ASPHD1: variants seen among roughly 807,000 people sequenced by gnomAD.
ASPHD1 encodes the protein aspartate beta-hydroxylase domain-containing protein 1.
Under a neutral mutation model 28.3 loss-of-function variants are expected in ASPHD1, and 20 were observed. The ratio of observed to expected loss-of-function variants is 0.71; its 90% CI spans 0.50 to 1.03. The LOEUF (loss-of-function observed/expected upper bound fraction) is 1.03. Among genes scored for constraint, ASPHD1 ranks in the 50% least tolerant of loss-of-function variants. ASPHD1 has a pLI of 0.00. For missense variants in ASPHD1, 479 were observed against 524.1 expected, an observed-to-expected ratio of 0.91 and a Z score of 0.84; for synonymous variants, 240 against 221.2, an observed-to-expected ratio of 1.08 and a Z score of -0.75.
intron 3 of ASPHD1, among the ~76,000 whole-genome samples, chr16:29,915,740 G>A (rs2095557273): frequency 1.3e-5 from 2 of 152,050 alleles, no homozygotes; most frequent in African/African-American, 2.4e-5. Context: ...TATTTCATTC[G>A]ACTGGAAGTC....
rs1171172032 is a variant in ASPHD1 at position 29,912,341 on chromosome 16, CCA to C, written c.*62+6383_*62+6384del. The C allele has an allele frequency of 6.0e-6, 3 of 498,732 alleles. No homozygotes were observed. In the African/African-American group the frequency reaches 6.0e-5, roughly 10 times the overall value. 30.9% of individuals were successfully genotyped at this position (498,732 alleles called of 1,614,324 possible). A position where few individuals can be genotyped will look rare whatever the true frequency, so the allele number is the denominator to read the frequency against. Reference sequence around the variant, plus strand: ...CTGTCAGCGTGGCGTGTCCGTCATGCCATTCAGATCGCAGGTCACACAGTGCC... The same window carrying C: ...CTGTCAGCGTGGCGTGTCCGTCATGCTTCAGATCGCAGGTCACACAGTGCC... On this transcript the variant is annotated intron_variant and NMD_transcript_variant, in intron 3 of 3. Coordinates refer to the ASPHD1 transcript ENST00000414952.
In ASPHD1 at chr16:29,912,108, T is replaced by C. The variant is rs952687516; in HGVS notation, c.*62+6149T>C. On this transcript the variant is annotated intron_variant and NMD_transcript_variant, in intron 3 of 3. Transcript: ENST00000414952. ...ACCAAAGGCCACGTACTCCCCCACT[T>C]AAAAGCCTTCAAAAGCTGGTTGGGA... The C allele has an allele frequency of 2.5e-6, 3 of 1,200,694 alleles. No homozygotes were observed. The African/African-American group carries it at 4.6e-5, about 18-fold the overall frequency. The allele number at this position is 1,200,694 out of a possible 1,614,324, so 74.4% of individuals were successfully genotyped here.
Position 29,906,028 on chromosome 16 carries a change from T to C in ASPHD1, c.*131T>C. The C allele has an allele frequency of 3.3e-6, 2 of 599,718 alleles. No homozygotes were observed. Among genetic ancestry groups the C allele is most frequent in the Non-Finnish European group, 2.8e-6 (1 of 352,310 alleles). The allele number at this position is 599,718 out of a possible 1,614,324, so 37.1% of individuals were successfully genotyped here. On this transcript the variant is annotated 3_prime_UTR_variant, in exon 3 of 3. Transcript: ENST00000308748. ...AGGATGGGAACTGGCTAGTGAGCAC[T>C]GAAATATAAATTCTGAATCCTCTCC...
intron 3 of ASPHD1, chr16:29,911,103 G>C (rs749938595): frequency 6.2e-7 from 1 of 1,614,184 alleles, no homozygotes; most frequent in South Asian, 1.1e-5. Flanking sequence ...AGGAAGAGTA[G>C]CCGCCCGTGG....
chr16:29,918,170 G>A (rs1051765248), intron 3 of ASPHD1, among the ~76,000 whole-genome samples: 5 of 152,186 alleles, frequency 3.3e-5, no homozygotes, highest in African/African-American at 1.2e-4. Context: ...TGGCACAAAT[G>A]TAATTACTGG....
intron 3 of ASPHD1, chr16:29,911,810 G>A (rs2068717217): frequency 3.1e-6 from 5 of 1,612,502 alleles, no homozygotes; most frequent in Non-Finnish European, 4.2e-6. Flanking sequence ...CACCCCGGCG[G>A]TCACCTGGTG....
At chr16:29,916,677 G>A (rs1275506608) in intron 3 of ASPHD1, among the ~76,000 whole-genome samples, 2 of 152,082 alleles carry the variant, frequency 1.3e-5, no homozygotes, top group Non-Finnish European at 2.9e-5. Context: ...CAGCCTGGCC[G>A]ACAGAGCAAG....
intron 3 of ASPHD1, among the ~76,000 whole-genome samples, chr16:29,918,154 A>AT (rs2068842424): frequency 6.6e-6 from 1 of 152,246 alleles, no homozygotes; most frequent in South Asian, 2.1e-4. Context: ...ACTTATAGGT[A>AT]TTCTGTGGCA....
rs764910375 is a variant in ASPHD1, at chr16:29,901,397, G to C, written c.426G>C (p.Thr142=). The C allele has an allele frequency of 4.8e-5, 76 of 1,589,954 alleles. No homozygotes were observed. The highest frequency in any genetic ancestry group is 5.9e-5 in the Non-Finnish European group (69 of 1,169,716). ...GGGATCCCGGGGAAGGACCTAGGAC[G>C]GAAGGCCTAGTGAGCCGGCGGCTTC... ...GPGDPGEGPR[T]EGLVSRRLRA... The change falls in exon 1 of 3, where the codon ACG becomes ACC. Residue 142 remains threonine, a synonymous_variant. Transcript: ENST00000308748. This position sits in a 1 kb window ranked among gnomAD's most constrained non-coding sequence, Gnocchi z 5.1.
At chr16:29,904,299 A>G (rs556166982) in intron 1 of ASPHD1, among the ~76,000 whole-genome samples, 16 of 152,064 alleles carry the variant, frequency 1.1e-4, no homozygotes, top group Admixed American at 3.9e-4. Flanking sequence ...TACAAAAATT[A>G]GCCAGGCGTG....
At chr16:29,912,270 C>G in intron 3 of ASPHD1, 2 of 580,196 alleles carry the variant, frequency 3.4e-6, no homozygotes, top group Middle Eastern at 4.4e-4. Context: ...CTTGTGCCTG[C>G]CCCGGCCACT....
chr16:29,911,897 G>A (rs2068719413), intron 3 of ASPHD1: 2 of 1,610,952 alleles, frequency 1.2e-6, no homozygotes, highest in African/African-American at 2.7e-5. Context: ...GGACGAGAGG[G>A]GTGAGGCTGC....
At chr16:29,913,645 C>A (rs1433161605) in intron 3 of ASPHD1, 1 of 152,156 alleles carries the variant, frequency 6.6e-6, no homozygotes, top group Non-Finnish European at 1.5e-5. Context: ...AAGGCATGAC[C>A]GCCCCTAGAG....
chr16:29,905,820 A>G lies in ASPHD1; in HGVS notation c.1096A>G (p.Ile366Val), dbSNP rs1256683761. Reference sequence around the variant, plus strand: ...CGAAGATGGGCCTCGAGTGGTCTTCATCGTGGACCTCTGGCACCCCAACGT... The same window carrying G: ...CGAAGATGGGCCTCGAGTGGTCTTCGTCGTGGACCTCTGGCACCCCAACGT... ...SPEDGPRVVF[I>V]VDLWHPNVAG... Residue 366 changes from isoleucine to valine, a missense_variant, in exon 3 of 3, where the codon ATC (isoleucine) becomes GTC (valine). Ile to Val is a conservative substitution (Grantham distance 29, BLOSUM62 3). Transcript: ENST00000308748. 6.2e-7 allele frequency: 1 copy of G among 1,613,498 alleles called. No individual in the cohort carries two copies. Among genetic ancestry groups the G allele is most frequent in the Non-Finnish European group, 8.5e-7 (1 of 1,179,874 alleles).
chr16:29,901,980 T>C lies in ASPHD1; in HGVS notation c.949+60T>C. On this transcript the variant is annotated intron_variant, in intron 1 of 2. Coordinates refer to ENST00000308748, the MANE Select transcript of ASPHD1 (RefSeq NM_181718.4). This position sits in a 1 kb window ranked among gnomAD's most constrained non-coding sequence, Gnocchi z 5.1. ...CTCGATGATTTCCCCCCCAGACCCT[T>C]CTCTCCGCCAGAGCCGTCTGCTGTC... is the stretch of plus-strand genomic sequence containing the variant. The C allele has an allele frequency of 7.6e-7, 1 of 1,318,594 alleles. No individual in the cohort carries two copies. The highest frequency in any genetic ancestry group is 2.0e-4 in the Middle Eastern group (1 of 4,912). The allele number at this position is 1,318,594 out of a possible 1,614,324, so 81.7% of individuals were successfully genotyped here. A position where few individuals can be genotyped will look rare whatever the true frequency, so the allele number is the denominator to read the frequency against.
chr16:29,909,449 G>A (rs552090727), downstream of ASPHD1, among the ~76,000 whole-genome samples: 3 of 152,186 alleles, frequency 2.0e-5, no homozygotes, highest in Non-Finnish European at 4.4e-5. Context: ...CCTGAGGCAT[G>A]TGGCTCATAG....
chr16:29,910,973 C>T, downstream of ASPHD1: 1 of 1,613,318 alleles, frequency 6.2e-7, no homozygotes, highest in Non-Finnish European at 8.5e-7. Flanking sequence ...TGGAGCCCCT[C>T]TGACCTTGGT....
chr16:29,911,182 CA>C, intron 3 of ASPHD1: 2 of 1,612,718 alleles, frequency 1.2e-6, no homozygotes, highest in Non-Finnish European at 8.5e-7. Flanking sequence ...TGCTGGGGAC[CA>C]GGGGACCAGG....
intron 3 of ASPHD1, chr16:29,911,216 C>G (rs1234234998): frequency 1.3e-6 from 2 of 1,494,138 alleles, no homozygotes; most frequent in Non-Finnish European, 1.9e-6. Flanking sequence ...AGTTGGCACC[C>G]CTCCCTCTGT....
Sources: gnomAD v4.1 joint callset for allele counts (sites outside exome capture counted in the v4.1 genomes callset) on GRCh38, gnomAD v4.1.1 for gene constraint, Gnocchi (gnomAD v3.1) non-coding constraint, MANE v1.5 for transcripts, NCBI Gene and HGNC (gene_info 2026-07-23, HGNC 2026-07-21) for gene names.